MGST1: variants seen among roughly 807,000 people sequenced by gnomAD.
The protein encoded by MGST1 is microsomal glutathione S-transferase 1.
A neutral mutation model predicts 8.9 loss-of-function variants in MGST1; 5 were observed. That is an observed-to-expected ratio of 0.56 (90% CI 0.29 to 1.19). MGST1 has a LOEUF of 1.19. Among genes scored for constraint, MGST1 ranks in the 50% most tolerant of loss-of-function variants. MGST1 has a pLI of 0.08. For missense variants in MGST1, 182 were observed against 187.4 expected (o/e 0.97, Z 0.17); for synonymous variants, 54 against 67.8 (o/e 0.80, Z 1.00).
chr12:16,432,352 A>C (rs961669676), intron 1 of MGST1, among the ~76,000 whole-genome samples: 4 of 152,138 alleles, frequency 2.6e-5, no homozygotes, highest in Non-Finnish European at 5.9e-5. Flanking sequence ...CTGAGAGTAC[A>C]GTAGCTCCTA....
At chr12:16,512,178 A>C (rs920787280) in intron 4 of MGST1, among the ~76,000 whole-genome samples, 15 of 152,102 alleles carry the variant, frequency 9.9e-5, no homozygotes, top group Admixed American at 9.2e-4. Flanking sequence ...CCCTGCTGCC[A>C]TAAGGTATGC....
rs1941810517 is a variant in MGST1 at position 16,544,315 on chromosome 12, G to A, written n.483-45213G>A. ...CTGCATTGCATCAGGGTCTATAAAA[G>A]CTATGGGTCCACAATTGTACTCAAA... On this transcript the variant is annotated intron_variant and non_coding_transcript_variant, in intron 4 of 4. Coordinates refer to the MGST1 transcript ENST00000538857. This position sits in a 1 kb window ranked among gnomAD's most constrained non-coding sequence, Gnocchi z 4.8. 6.7e-6 allele frequency among the ~76,000 whole-genome samples: 1 copy of A among 149,798 alleles called. No homozygotes were observed. The highest frequency in any genetic ancestry group is 2.5e-5 in the African/African-American group (1 of 40,466).
intron 1 of MGST1, among the ~76,000 whole-genome samples, chr12:16,408,229 T>C (rs1203982774): frequency 6.6e-6 from 1 of 151,194 alleles, no homozygotes; most frequent in East Asian, 1.9e-4. Flanking sequence ...GGTTGGAGGG[T>C]GGGAGGAGGG....
chr12:16,387,130 C>G (rs1385266798), intron 1 of MGST1, among the ~76,000 whole-genome samples: 1 of 151,982 alleles, frequency 6.6e-6, no homozygotes, highest in Admixed American at 6.6e-5. Flanking sequence ...ACTTTATAAT[C>G]TTTATTTTAT....
intron 4 of MGST1, among the ~76,000 whole-genome samples, chr12:16,464,583 C>T (rs1286586882): frequency 6.6e-6 from 1 of 152,212 alleles, no homozygotes; most frequent in East Asian, 1.9e-4. Flanking sequence ...GCAAACTAGC[C>T]TTTTAGAACC....
At chr12:16,533,028 C>T (rs1362627420) in intron 4 of MGST1, among the ~76,000 whole-genome samples, 1 of 152,144 alleles carries the variant, frequency 6.6e-6, no homozygotes, top group Admixed American at 6.5e-5. Flanking sequence ...GGACCTTTCG[C>T]CTTCACAGAA....
At chr12:16,449,581 G>C (rs1191640242) in intron 4 of MGST1, among the ~76,000 whole-genome samples, 1 of 151,892 alleles carries the variant, frequency 6.6e-6, no homozygotes, top group Non-Finnish European at 1.5e-5. Context: ...CCATCTGCCT[G>C]TCTGTGACAT....
chr12:16,351,937 G>A (rs1280156245), intron 1 of MGST1, among the ~76,000 whole-genome samples: 1 of 152,140 alleles, frequency 6.6e-6, no homozygotes, highest in African/African-American at 2.4e-5. Context: ...CAGATATAAG[G>A]GGTGCCTACT....
intron 4 of MGST1, among the ~76,000 whole-genome samples, chr12:16,542,873 A>G (rs570932135): frequency 6.6e-6 from 1 of 152,348 alleles, no homozygotes; most frequent in East Asian, 1.9e-4. Context: ...ACTAATTGCT[A>G]GTAAACTTAG....
intron 4 of MGST1, among the ~76,000 whole-genome samples, chr12:16,468,311 T>A (rs1941267681): frequency 6.6e-6 from 1 of 152,228 alleles, no homozygotes; most frequent in African/African-American, 2.4e-5. Context: ...ATATGCAGAT[T>A]CACAAGTATC....
rs1409888351 is a variant in MGST1 at position 16,401,437 on chromosome 12, A to G, written n.778+17833A>G. The G allele has an allele frequency of 2.3e-6, 2 of 858,726 alleles. No individual in the cohort carries two copies. 53.2% of individuals were successfully genotyped at this position (858,726 alleles called of 1,614,324 possible). ...CTTCTGCTTTTTAGCCACGTCCATG[A>G]CAGCATTATATACATCACATATCTT... On this transcript the variant is annotated intron_variant and non_coding_transcript_variant, in intron 1 of 1. Transcript: ENST00000359720. This position sits in a 1 kb window ranked among gnomAD's most constrained non-coding sequence, Gnocchi z 4.3.
intron 4 of MGST1, chr12:16,551,453 C>T (rs1301156223): frequency 8.1e-6 from 5 of 619,504 alleles, no homozygotes; most frequent in South Asian, 2.0e-5. Context: ...CTGGCTTAGA[C>T]AGTTGTCTTC....
rs780070847 is a variant in MGST1, at chr12:16,458,523, A to G, written n.482+74919A>G. 5.3e-5 allele frequency among the ~76,000 whole-genome samples: 8 copies of G among 152,020 alleles called. No homozygotes were observed. Among genetic ancestry groups the G allele is most frequent in the Non-Finnish European group, 1.0e-4 (7 of 67,962 alleles). ...CCATTAACATACGATGCTATTGGTGAAACTTTATTTAGGAAGGGTGTTAGT... is the reference window on the plus strand; with the variant it reads ...CCATTAACATACGATGCTATTGGTGGAACTTTATTTAGGAAGGGTGTTAGT... On this transcript the variant is annotated intron_variant and non_coding_transcript_variant, in intron 4 of 4. Transcript: ENST00000538857. The surrounding 1 kb of genome is among the most constrained non-coding windows in gnomAD (Gnocchi z 4.0).
intron 4 of MGST1, among the ~76,000 whole-genome samples, chr12:16,557,367 ATTTTTTT>A (rs68115649): frequency 7.0e-6 from 1 of 142,724 alleles, no homozygotes; most frequent in South Asian, 2.2e-4. Flanking sequence ...GGTGGCAAGG[ATTTTTTT>A]TTTTTTTTTT....
intron 4 of MGST1, among the ~76,000 whole-genome samples, chr12:16,452,398 G>GC (rs2137114234): frequency 7.8e-6 from 1 of 129,026 alleles, no homozygotes; most frequent in African/African-American, 2.6e-5. Context: ...ATAGGAAGTG[G>GC]CCAAAAAAAA....
chr12:16,415,344 A>G (rs576811432), intron 1 of MGST1, among the ~76,000 whole-genome samples: 1 of 151,932 alleles, frequency 6.6e-6, no homozygotes, highest in African/African-American at 2.4e-5. Context: ...CCTCTTATTT[A>G]CTCATCTGAT....
chr12:16,512,255 A>G (rs1204452019), intron 4 of MGST1, among the ~76,000 whole-genome samples: 2 of 152,134 alleles, frequency 1.3e-5, no homozygotes, highest in Non-Finnish European at 1.5e-5. Context: ...AAGATTTGTA[A>G]GAGATTTGTA....
At chr12:16,538,061 G>A (rs1941766015) in intron 4 of MGST1, among the ~76,000 whole-genome samples, 1 of 152,068 alleles carries the variant, frequency 6.6e-6, no homozygotes, top group Admixed American at 6.6e-5. Context: ...CTTTTAAAAT[G>A]GAAAGCTTTT....
At chr12:16,476,689 T>TAAG (rs1264717157) in intron 4 of MGST1, among the ~76,000 whole-genome samples, 8 of 152,166 alleles carry the variant, frequency 5.3e-5, no homozygotes, top group Non-Finnish European at 1.0e-4. Context: ...AATTTTTTGA[T>TAAG]AAGGTCAGAC....
Sources: gnomAD v4.1 joint callset for allele counts (sites outside exome capture counted in the v4.1 genomes callset) on GRCh38, gnomAD v4.1.1 for gene constraint, Gnocchi (gnomAD v3.1) non-coding constraint, MANE v1.5 for transcripts, NCBI Gene and HGNC (gene_info 2026-07-23, HGNC 2026-07-21) for gene names.